The following DNAH5 variants were observed in gnomAD, a reference collection of about 807,000 sequenced individuals.
DNAH5 encodes axonemal beta dynein heavy chain 5.
Under a neutral mutation model 518.2 loss-of-function variants are expected in DNAH5, and 372 were observed. The ratio of observed to expected loss-of-function variants is 0.72; its 90% CI spans 0.66 to 0.78. DNAH5 has a LOEUF of 0.78. Ranked by LOEUF, DNAH5 falls within the 30% of genes least tolerant of loss-of-function variation. The probability of loss-of-function intolerance (pLI) is 0.00; values close to 1 mark genes in which losing one functional copy is unlikely to be tolerated. For missense variants in DNAH5, 5,523 were observed against 5,687.0 expected, an observed-to-expected ratio of 0.97 and a Z score of 0.93; for synonymous variants, 2,039 against 2,025.9, an observed-to-expected ratio of 1.01 and a Z score of -0.17.
At chr5:13,925,353 G>C (rs1411563925) in intron 3 of DNAH5, among the ~76,000 whole-genome samples, 1 of 152,194 alleles carries the variant, frequency 6.6e-6, no homozygotes, top group Non-Finnish European at 1.5e-5. Flanking sequence ...GCCCCCATCA[G>C]AATGCAAAAG....
At chr5:13,987,953 A>ATGTCTCTAT (rs1783177897) in intron 1 of DNAH5, among the ~76,000 whole-genome samples, 1 of 152,230 alleles carries the variant, frequency 6.6e-6, no homozygotes, top group South Asian at 2.1e-4. Context: ...GTCAAAAACT[A>ATGTCTCTAT]GACAAACCTG....
intron 75 of DNAH5, among the ~76,000 whole-genome samples, chr5:13,712,046 G>A (rs184089217): frequency 6.6e-6 from 1 of 152,196 alleles, no homozygotes; most frequent in African/African-American, 2.4e-5. Context: ...AAAAGAGCCT[G>A]CCTAGCCAAA....
intron 16 of DNAH5, among the ~76,000 whole-genome samples, chr5:13,892,456 G>A (rs927187560): frequency 3.9e-5 from 6 of 152,144 alleles, no homozygotes; most frequent in African/African-American, 1.4e-4. Context: ...CCTGTAAGTA[G>A]GATTGGCTTA....
rs544013403 is a variant in DNAH5, at chr5:13,867,571, C to A, written c.4053+203G>T. The stretch of plus-strand genomic sequence containing the variant: ...CCCAGTCTCGAGCAGTTCTTTATAG[C>A]AGTGTGAAAACAGACTAATAGAAAC... On this transcript the variant is annotated intron_variant, in intron 25 of 78. Coordinates refer to ENST00000265104, the MANE Select transcript of DNAH5 (RefSeq NM_001369.3). Among the ~76,000 whole-genome samples, 4 of 151,832 alleles carry A rather than the reference C, an allele frequency of 2.6e-5. No homozygotes were observed. In the South Asian group the frequency reaches 8.3e-4, roughly 32 times the overall value.
At chr5:13,840,138 C>T (rs570551040) in intron 34 of DNAH5, among the ~76,000 whole-genome samples, 16 of 152,116 alleles carry the variant, frequency 1.1e-4, no homozygotes, top group South Asian at 2.1e-4. Context: ...CTTTATTCCT[C>T]GGAAAGGTAA....
intron 35 of DNAH5, among the ~76,000 whole-genome samples, chr5:13,834,311 T>C (rs1764084495): frequency 2.6e-5 from 4 of 152,190 alleles, no homozygotes; most frequent in Admixed American, 2.6e-4. Flanking sequence ...GATACCTATA[T>C]GTGAAACTGA....
At chr5:13,842,481 A>AAGAAAGAAAGAG (rs1765403705) in intron 32 of DNAH5, among the ~76,000 whole-genome samples, 1 of 54,044 alleles carries the variant, frequency 1.9e-5, no homozygotes, top group Non-Finnish European at 3.6e-5. Context: ...GAAAGAAAGA[A>AAGAAAGAAAGAG]AGAGAAAGAA....
intron 1 of DNAH5, among the ~76,000 whole-genome samples, chr5:13,956,062 T>G (rs2152041070): frequency 6.6e-6 from 1 of 152,202 alleles, no homozygotes; most frequent in East Asian, 1.9e-4. Flanking sequence ...CTTCCCTAAA[T>G]GCACTTTCAT....
chr5:13,730,242 C>T (rs1746298417), intron 68 of DNAH5, among the ~76,000 whole-genome samples: 4 of 152,122 alleles, frequency 2.6e-5, no homozygotes, highest in Admixed American at 2.6e-4. Flanking sequence ...ACTCTGACAG[C>T]AATGTAACAA....
intron 52 of DNAH5, among the ~76,000 whole-genome samples, chr5:13,785,257 T>A (rs1385837986): frequency 2.0e-5 from 3 of 151,732 alleles, no homozygotes; most frequent in African/African-American, 4.8e-5. Context: ...CGGGCTCCTA[T>A]GAAAATCTAA....
chr5:13,839,983 C>A (rs1278856519), intron 34 of DNAH5, among the ~76,000 whole-genome samples: 1 of 152,108 alleles, frequency 6.6e-6, no homozygotes, highest in Non-Finnish European at 1.5e-5. Context: ...TTATTTTTCC[C>A]AAGAATTACA....
chr5:14,003,087 C>T (rs1340338512), intron 1 of DNAH5, among the ~76,000 whole-genome samples: 1 of 152,146 alleles, frequency 6.6e-6, no homozygotes, highest in Non-Finnish European at 1.5e-5. Context: ...TATAGCATTT[C>T]TGATAGTCAC....
At chr5:14,011,102 A>G (rs1785084005) in intron 1 of DNAH5, among the ~76,000 whole-genome samples, 1 of 152,070 alleles carries the variant, frequency 6.6e-6, no homozygotes, top group Non-Finnish European at 1.5e-5. Context: ...GGCAAATGTA[A>G]GAGACAGAAA....
Position 13,721,130 on chromosome 5 carries a change from G to A in DNAH5, c.12149C>T (p.Ser4050Phe), listed in dbSNP as rs750294610. The A allele has an allele frequency of 5.6e-6, 9 of 1,614,116 alleles. No individual in the cohort carries two copies. Among genetic ancestry groups the A allele is most frequent in the Non-Finnish European group, 7.6e-6 (9 of 1,179,990 alleles). Residue 4050 changes from serine (S) to phenylalanine (F), a missense_variant, in exon 71 of 79, where the codon TCT (serine) becomes TTT (phenylalanine). Physicochemically the swap from Ser to Phe is radical, Grantham distance 155. This residue lies in a region of DNAH5 where 5,121 missense variants were observed against 5,223.3 expected (regional missense o/e 0.98). Coordinates refer to ENST00000265104, the MANE Select transcript of DNAH5 (RefSeq NM_001369.3). ...GGAATCTGTGGGGTCTGAGCCCATAGACAGGAGACAGATGAGTGGCGTCCG... is the reference window on the plus strand; with the variant it reads ...GGAATCTGTGGGGTCTGAGCCCATAAACAGGAGACAGATGAGTGGCGTCCG... ...DPRTPLICLL[S>F]MGSDPTDSII...
In DNAH5 at chr5:13,882,947, A is replaced by T. The variant is rs1434092622; in HGVS notation, c.3131T>A (p.Val1044Asp). 1.9e-6 allele frequency: 3 copies of T among 1,614,110 alleles called. No homozygotes were observed. Among genetic ancestry groups the T allele is most frequent in the Non-Finnish European group, 2.5e-6 (3 of 1,179,996 alleles). ...GCTCCACTGTCTGACCCCCTTAGGG[A>T]CACTGATGATGCACTCCACGGCTTT... ...LNKAVECIISVPKGVRQWSSE... is the reference protein window; with the variant it reads ...LNKAVECIISDPKGVRQWSSE... The change falls in exon 20 of 79, where the codon GTC becomes GAC. Residue 1044 changes from valine (V) to aspartate (D), a missense_variant. By Grantham distance (152) the Val-to-Asp change is radical. Coordinates refer to ENST00000265104, the MANE Select transcript of DNAH5 (RefSeq NM_001369.3).
chr5:13,898,071 G>A, intron 15 of DNAH5: 1 of 152,212 alleles, frequency 6.6e-6, no homozygotes, highest in East Asian at 1.9e-4. Flanking sequence ...CTTTCCTCAG[G>A]AAAGAAACAG....
intron 15 of DNAH5, 60 bp from the exon 16 acceptor site, chr5:13,894,881 T>G: frequency 6.4e-7 from 1 of 1,568,298 alleles, no homozygotes; most frequent in South Asian, 1.1e-5. Context: ...TCTGTTAATA[T>G]CTCATGTCTT....
At position 13,770,986 on chromosome 5, in the gene DNAH5, G is replaced by A. The variant is rs748739795; in HGVS notation, c.9374-6C>T. The A allele has an allele frequency of 1.1e-5, 18 of 1,590,174 alleles. No individual in the cohort carries two copies. The highest frequency in any genetic ancestry group is 3.3e-5 in the Admixed American group (2 of 59,868). ...AGTGAGGAAGTGTTCAGACACTAGA[G>A]AGAATAAAGATGACAGTGTGTGAAA... On this transcript the variant is annotated splice_region_variant and splice_polypyrimidine_tract_variant and intron_variant, in intron 55 of 78. Transcript: ENST00000265104.
chr5:13,829,509 C>T lies in DNAH5; in HGVS notation c.6444+1G>A, dbSNP rs781236248. ...TGCATAAGACCTCCAGGATGACACA[C>T]CTGCTTAGAAAGCTGCTCCTCACAC... On this transcript the variant is annotated splice_donor_variant, in intron 38 of 78. Coordinates refer to ENST00000265104, the MANE Select transcript of DNAH5 (RefSeq NM_001369.3). LOFTEE classifies it high-confidence loss of function. The T allele has an allele frequency of 2.0e-5, 33 of 1,613,970 alleles. No individual in the cohort carries two copies. Among genetic ancestry groups the T allele is most frequent in the South Asian group, 1.1e-5 (1 of 91,078 alleles).
Sources: allele counts gnomAD v4.1 joint callset (sites outside exome capture counted in the v4.1 genomes callset), GRCh38; gene constraint gnomAD v4.1.1; regional missense constraint gnomAD v4.1.1; transcripts MANE v1.5; gene names NCBI Gene and HGNC (gene_info 2026-07-23, HGNC 2026-07-21).